Variants in TEX2 observed in about 807,000 individuals in gnomAD.
The protein encoded by TEX2 is testis-expressed protein 2.
Under a neutral mutation model 106.9 loss-of-function variants are expected in TEX2, and 53 were observed. That is an observed-to-expected ratio of 0.50 (90% CI 0.40 to 0.62). The LOEUF (loss-of-function observed/expected upper bound fraction) is 0.62. TEX2 is among the 20% of genes least tolerant of loss of function. The probability of loss-of-function intolerance (pLI) is 0.00; values close to 1 mark genes in which losing one functional copy is unlikely to be tolerated. For missense variants in TEX2, 1,207 were observed against 1,379.0 expected (o/e 0.88, Z 1.98); for synonymous variants, 523 against 534.8 (o/e 0.98, Z 0.30).
At chr17:64,230,327 G>A (rs1306090009) in intron 1 of TEX2, among the ~76,000 whole-genome samples, 1 of 152,180 alleles carries the variant, frequency 6.6e-6, no homozygotes, top group African/African-American at 2.4e-5. Context: ...GGAGGACAAA[G>A]CAGAAGAAAA....
intron 5 of TEX2, among the ~76,000 whole-genome samples, chr17:64,179,006 G>A (rs961145585): frequency 6.6e-6 from 1 of 152,252 alleles, no homozygotes; most frequent in Non-Finnish European, 1.5e-5. Context: ...TCATTCTGAA[G>A]CTTGGTGTTC....
chr17:64,168,631 G>A (rs544384071), intron 7 of TEX2, among the ~76,000 whole-genome samples: 10 of 152,240 alleles, frequency 6.6e-5, no homozygotes, highest in Admixed American at 2.6e-4. Flanking sequence ...CCCTCTCCTC[G>A]GAAATTTCTA....
chr17:64,222,963 C>T (rs980356670), intron 1 of TEX2, among the ~76,000 whole-genome samples: 5 of 152,148 alleles, frequency 3.3e-5, no homozygotes, highest in Admixed American at 2.6e-4. Flanking sequence ...TTGCCAGAAT[C>T]CTCCTTTAAG....
intron 1 of TEX2, among the ~76,000 whole-genome samples, chr17:64,237,333 A>T (rs538195439): frequency 1.3e-4 from 20 of 152,276 alleles, no homozygotes; most frequent in Non-Finnish European, 2.5e-4. Flanking sequence ...GGGCTGGGTC[A>T]TGCAGTGCCT....
intron 1 of TEX2, among the ~76,000 whole-genome samples, chr17:64,215,851 G>T (rs535806283): frequency 6.6e-6 from 1 of 152,248 alleles, no homozygotes; most frequent in South Asian, 2.1e-4. Context: ...CAAAATGCTG[G>T]CAACTGATAT....
At position 64,213,280 on chromosome 17, in the gene TEX2, C is replaced by A; in HGVS notation, c.938G>T (p.Ser313Ile). 1 of 1,614,180 alleles carries A rather than the reference C, an allele frequency of 6.2e-7. No individual in the cohort carries two copies. The highest frequency in any genetic ancestry group is 8.5e-7 in the Non-Finnish European group (1 of 1,180,048). ...TAAGGCTTTGGGCCTATGGCTGCCA[C>A]TTTCTTCCCCTATAATTTTACTAAG... ...QLLSKIIGEE[S>I]GSHRPKALSS... is the part of the protein sequence containing the mutation. Residue 313 changes from serine (S) to isoleucine (I), a missense_variant, in exon 2 of 12, where the codon AGT (serine) becomes ATT (isoleucine). Ser to Ile is a moderately radical substitution (Grantham distance 142). This residue lies in a region of TEX2 where 1,067 missense variants were observed against 1,193.6 expected (regional missense o/e 0.89). Coordinates refer to ENST00000584379, the MANE Select transcript of TEX2 (RefSeq NM_001288732.2). The surrounding 1 kb of genome is among the most constrained non-coding windows in gnomAD (Gnocchi z 4.4).
At chr17:64,236,394 T>C (rs2033769183) in intron 1 of TEX2, among the ~76,000 whole-genome samples, 1 of 151,966 alleles carries the variant, frequency 6.6e-6, no homozygotes, top group African/African-American at 2.4e-5. Context: ...TGAGACCCCG[T>C]CTCTACAAAA....
intron 8 of TEX2, 136 bp downstream of exon 8, chr17:64,160,665 C>A (rs2030840633): frequency 4.4e-6 from 5 of 1,136,118 alleles, no homozygotes; most frequent in Non-Finnish European, 6.2e-6. Flanking sequence ...CCCTGAAATG[C>A]TCTGGTCCAG....
At chr17:64,180,979 T>C (rs1034829288) in intron 5 of TEX2, among the ~76,000 whole-genome samples, 1 of 152,152 alleles carries the variant, frequency 6.6e-6, no homozygotes, top group African/African-American at 2.4e-5. Flanking sequence ...GACAGTGTGG[T>C]CCAGGAGATG....
chr17:64,211,152 G>A (rs1255835444), intron 2 of TEX2, among the ~76,000 whole-genome samples: 2 of 152,032 alleles, frequency 1.3e-5, no homozygotes, highest in East Asian at 3.9e-4. Flanking sequence ...GTAGAGACAG[G>A]GTTTCACCAT....
intron 2 of TEX2, among the ~76,000 whole-genome samples, chr17:64,202,895 T>G (rs1555630258): frequency 1.3e-5 from 2 of 152,210 alleles, no homozygotes; most frequent in Admixed American, 1.3e-4. Flanking sequence ...TCAGCCAGGC[T>G]GCAGCTGTCT....
intron 1 of TEX2, among the ~76,000 whole-genome samples, chr17:64,234,005 G>A (rs1172570312): frequency 6.6e-6 from 1 of 152,170 alleles, no homozygotes; most frequent in Non-Finnish European, 1.5e-5. Context: ...CTCCATGGAC[G>A]CCCATTCCTG....
chr17:64,186,305 C>T (rs1318873341), intron 5 of TEX2, among the ~76,000 whole-genome samples: 1 of 152,080 alleles, frequency 6.6e-6, no homozygotes, highest in Non-Finnish European at 1.5e-5. Flanking sequence ...TTTATATCAC[C>T]CCACTCTTGC....
chr17:64,152,893 T>C, intron 10 of TEX2, 52 bp downstream of exon 10: 1 of 1,557,320 alleles, frequency 6.4e-7, no homozygotes, highest in Admixed American at 1.8e-5. Flanking sequence ...GGGATTTCTG[T>C]GGCCATGCAA....
At chr17:64,171,308 T>C in intron 6 of TEX2, 109 bp from the exon 7 acceptor site, 1 of 849,872 alleles carries the variant, frequency 1.2e-6, no homozygotes, top group African/African-American at 1.7e-5. Context: ...TTTGGGGACA[T>C]ATCATTTATG....
At chr17:64,200,633 C>T (rs2032629691) in intron 2 of TEX2, among the ~76,000 whole-genome samples, 1 of 152,194 alleles carries the variant, frequency 6.6e-6, no homozygotes, top group Non-Finnish European at 1.5e-5. Flanking sequence ...CAACCTGATT[C>T]AGAAGAATGT....
In TEX2 at chr17:64,247,594, C is replaced by T. The variant is rs868964324; in HGVS notation, c.-26+15574G>A. Reference sequence around the variant, plus strand: ...GTGAGGAGGCGGCCAGGCTTGCGCACGGATGCCCCGCGCGGGGAGCCTGCA... The same window carrying T: ...GTGAGGAGGCGGCCAGGCTTGCGCATGGATGCCCCGCGCGGGGAGCCTGCA... On this transcript the variant is annotated intron_variant, in intron 1 of 11. Coordinates refer to ENST00000584379, the MANE Select transcript of TEX2 (RefSeq NM_001288732.2). 3.9e-4 allele frequency among the ~76,000 whole-genome samples: 59 copies of T among 152,292 alleles called. 1 individual carries two copies. The highest frequency in any genetic ancestry group is 1.3e-3 in the African/African-American group (53 of 41,562).
chr17:64,161,012 A>C (rs1161300342), intron 7 of TEX2, 79 bp from the exon 8 acceptor site: 34 of 1,474,950 alleles, frequency 2.3e-5, no homozygotes, highest in Admixed American at 1.5e-4. Context: ...ATTTAAAAAT[A>C]TCTAAATAGG....
intron 7 of TEX2, among the ~76,000 whole-genome samples, chr17:64,167,690 G>A (rs1180757207): frequency 2.6e-5 from 4 of 152,172 alleles, no homozygotes; most frequent in Middle Eastern, 3.4e-3. Context: ...ATGGTGGCAG[G>A]TGCCTGTAAT....
Sources: gnomAD v4.1 joint callset for allele counts (sites outside exome capture counted in the v4.1 genomes callset) on GRCh38, gnomAD v4.1.1 for gene constraint, gnomAD v4.1.1 regional missense constraint, Gnocchi (gnomAD v3.1) non-coding constraint, MANE v1.5 for transcripts, NCBI Gene and HGNC (gene_info 2026-07-23, HGNC 2026-07-21) for gene names.